Variants in ROR2 observed in about 807,000 individuals in gnomAD.
The protein encoded by ROR2 is tyrosine-protein kinase transmembrane receptor ROR2.
A neutral mutation model predicts 74.9 loss-of-function variants in ROR2; 33 were observed. The ratio of observed to expected loss-of-function variants is 0.44; its 90% confidence interval spans 0.33 to 0.59. The LOEUF is 0.59. Ranked by LOEUF, ROR2 falls within the 20% of genes least tolerant of loss-of-function variation. The probability of loss-of-function intolerance (pLI) is 0.02; values close to 1 mark genes in which losing one functional copy is unlikely to be tolerated. For synonymous variants in ROR2, 586 were observed against 558.7 expected (o/e 1.05, Z -0.69); for missense variants, 1,216 against 1,313.8 (o/e 0.93, Z 1.15).
chr9:91,767,078 C>T (rs1564261960), intron 2 of ROR2, among the ~76,000 whole-genome samples: 1 of 142,416 alleles, frequency 7.0e-6, no homozygotes, highest in East Asian at 2.4e-4. Context: ...CAATGACTTA[C>T]GGTTTTTTTT....
intron 1 of ROR2, among the ~76,000 whole-genome samples, chr9:91,890,860 T>C (rs1191956903): frequency 1.3e-5 from 2 of 152,244 alleles, no homozygotes; most frequent in Non-Finnish European, 2.9e-5. Flanking sequence ...ATTTTGCTAA[T>C]GTCAGCAAAG....
chr9:91,883,449 A>G (rs1830177280), intron 1 of ROR2: 1 of 152,230 alleles, frequency 6.6e-6, no homozygotes, highest in Non-Finnish European at 1.5e-5. Context: ...GCACTGTCCA[A>G]TATAGTAGCC....
At chr9:91,927,464 G>A (rs1831434891) in intron 1 of ROR2, among the ~76,000 whole-genome samples, 1 of 152,080 alleles carries the variant, frequency 6.6e-6, no homozygotes, top group African/African-American at 2.4e-5. Flanking sequence ...AAAAGTCCGA[G>A]GGCCACCTCC....
At chr9:91,944,763 C>G (rs2118082186) in intron 1 of ROR2, among the ~76,000 whole-genome samples, 1 of 151,086 alleles carries the variant, frequency 6.6e-6, no homozygotes, top group East Asian at 2.0e-4. Context: ...GAAGACAATA[C>G]TGTTAAGATG....
At chr9:91,838,724 T>A (rs1828688690) in intron 1 of ROR2, among the ~76,000 whole-genome samples, 1 of 151,992 alleles carries the variant, frequency 6.6e-6, no homozygotes, top group Non-Finnish European at 1.5e-5. Flanking sequence ...AAATAGGATC[T>A]CTCCCGTTAG....
intron 1 of ROR2, among the ~76,000 whole-genome samples, chr9:91,900,773 C>G (rs1184003197): frequency 6.6e-6 from 1 of 152,234 alleles, no homozygotes; most frequent in Non-Finnish European, 1.5e-5. Flanking sequence ...ACCCACTTCA[C>G]ACCTCAATTC....
intron 1 of ROR2, among the ~76,000 whole-genome samples, chr9:91,838,449 G>A (rs1207174033): frequency 3.9e-5 from 6 of 152,248 alleles, no homozygotes; most frequent in Non-Finnish European, 7.4e-5. Flanking sequence ...GTCATGCCAC[G>A]CCTGGTCACA....
chr9:91,858,819 G>C lies in ROR2; in HGVS notation c.98-83001C>G, dbSNP rs150369418. On this transcript the variant is annotated intron_variant, in intron 1 of 8. Coordinates refer to ENST00000375708, the MANE Select transcript of ROR2 (RefSeq NM_004560.4). ...ATCTCCACAAGGACCCGTGAGGCCA[G>C]TGCCAGCAACTCCAGCTTACTGATG... Among the ~76,000 whole-genome samples the C allele has an allele frequency of 1.6e-4, 25 of 152,326 alleles. 1 individual carries two copies. The East Asian group carries it at 4.8e-3, about 29-fold the overall frequency.
chr9:91,843,161 A>G (rs111384060), intron 1 of ROR2, among the ~76,000 whole-genome samples: 74 of 152,338 alleles, frequency 4.9e-4, no homozygotes, highest in African/African-American at 1.7e-3. Flanking sequence ...TTATCCAGGG[A>G]ATACAGAAAA....
intron 1 of ROR2, among the ~76,000 whole-genome samples, chr9:91,789,315 C>G (rs993905052): frequency 2.0e-5 from 3 of 151,962 alleles, no homozygotes; most frequent in African/African-American, 7.3e-5. Context: ...AGTCAAGAGT[C>G]CTTCAAGATG....
chr9:91,835,018 C>G (rs995279281), intron 1 of ROR2, among the ~76,000 whole-genome samples: 1 of 151,564 alleles, frequency 6.6e-6, no homozygotes, highest in Non-Finnish European at 1.5e-5. Context: ...GTGGGTGGGC[C>G]AGGGATGAGG....
In ROR2 at chr9:91,823,495, AT is replaced by A. The variant is rs111637351; in HGVS notation, c.98-47678del. Among the ~76,000 whole-genome samples, 34 of 146,630 alleles carry A rather than the reference AT, an allele frequency of 2.3e-4. 1 individual carries two copies. The highest frequency in any genetic ancestry group is 6.5e-4 in the South Asian group (3 of 4,630). On this transcript the variant is annotated intron_variant, in intron 1 of 8. Coordinates refer to ENST00000375708, the MANE Select transcript of ROR2 (RefSeq NM_004560.4). ...CCGGCGCATGCCACCACGCCAGCTG[AT>A]TTTTTTTTTTCAAACTCCTGACCTC...
chr9:91,772,806 A>T (rs1303743497), intron 2 of ROR2, among the ~76,000 whole-genome samples: 7 of 152,350 alleles, frequency 4.6e-5, no homozygotes, highest in Non-Finnish European at 5.9e-5. Context: ...TCAAGAGATT[A>T]TCAAATCCCA....
intron 4 of ROR2, 100 bp downstream of exon 4, chr9:91,755,971 T>C (rs1016324690): frequency 9.8e-6 from 13 of 1,326,628 alleles, no homozygotes; most frequent in African/African-American, 8.7e-5. Context: ...TTCTAGCAAA[T>C]TCGGCAAAGA....
chr9:91,939,609 C>G (rs945975035), intron 1 of ROR2, among the ~76,000 whole-genome samples: 1 of 152,062 alleles, frequency 6.6e-6, no homozygotes. Flanking sequence ...CATCTGTTCT[C>G]TCTGTGGTAA....
intron 4 of ROR2, among the ~76,000 whole-genome samples, chr9:91,748,429 G>A (rs907300982): frequency 1.3e-5 from 2 of 152,122 alleles, no homozygotes; most frequent in Non-Finnish European, 2.9e-5. Context: ...CTGGAATATA[G>A]ATAATTTTTA....
chr9:91,891,250 T>C (rs1587825688), intron 1 of ROR2, among the ~76,000 whole-genome samples: 1 of 108,582 alleles, frequency 9.2e-6, no homozygotes, highest in African/African-American at 5.1e-5. Flanking sequence ...GGCTGTTCCT[T>C]TCTTTTTTTT....
At chr9:91,729,339 CA>C (rs1837156274) in intron 7 of ROR2, among the ~76,000 whole-genome samples, 1 of 152,242 alleles carries the variant, frequency 6.6e-6, no homozygotes, top group South Asian at 2.1e-4. Context: ...CATTGCAGGA[CA>C]GCTTTAAGGT....
At chr9:91,767,796 C>T (rs1276003378) in intron 2 of ROR2, among the ~76,000 whole-genome samples, 3 of 152,140 alleles carry the variant, frequency 2.0e-5, no homozygotes, top group African/African-American at 2.4e-5. Context: ...TGGGGACTTG[C>T]GAGATGAAGA....
Sources: allele counts gnomAD v4.1 joint callset (sites outside exome capture counted in the v4.1 genomes callset), GRCh38; gene constraint gnomAD v4.1.1; transcripts MANE v1.5; gene names NCBI Gene and HGNC (gene_info 2026-07-23, HGNC 2026-07-21).